Variants in ACTR3C observed in about 807,000 individuals in gnomAD.
The protein encoded by ACTR3C is actin related protein 3C.
In ACTR3C, 18 loss-of-function variants were observed where a neutral mutation model predicts 26.3. That is an observed-to-expected ratio of 0.68 (90% CI 0.47 to 1.01). ACTR3C has a LOEUF of 1.01. Ranked by LOEUF, ACTR3C falls within the 50% of genes least tolerant of loss-of-function variation. The probability of loss-of-function intolerance (pLI) is 0.00; values close to 1 mark genes in which losing one functional copy is unlikely to be tolerated. For synonymous variants in ACTR3C, 55 were observed against 94.5 expected, an observed-to-expected ratio of 0.58 and a Z score of 2.42; for missense variants, 184 against 250.7, an observed-to-expected ratio of 0.73 and a Z score of 1.80.
At chr7:150,092,944 A>G in the ACTR3C span, among the ~76,000 whole-genome samples, 1 of 151,544 alleles carries the variant, frequency 6.6e-6, no homozygotes, top group Non-Finnish European at 1.5e-5. Flanking sequence ...CAGAACCCAG[A>G]GATGCAAAAA....
the ACTR3C span, among the ~76,000 whole-genome samples, chr7:150,193,828 C>T: frequency 6.6e-6 from 1 of 151,656 alleles, no homozygotes; most frequent in Non-Finnish European, 1.5e-5. Flanking sequence ...TTTTATGGCC[C>T]AGAATATAGT....
chr7:149,941,310 C>T, the ACTR3C span, among the ~76,000 whole-genome samples: 1 of 152,186 alleles, frequency 6.6e-6, no homozygotes, highest in Non-Finnish European at 1.5e-5. Context: ...TCTCCTGGCA[C>T]AAGGTTACTA....
chr7:150,232,889 C>A, the ACTR3C span, among the ~76,000 whole-genome samples: 1 of 151,894 alleles, frequency 6.6e-6, no homozygotes, highest in South Asian at 2.1e-4. Flanking sequence ...TTTAAGTAAT[C>A]TAACTCCACC....
At chr7:150,038,187 A>G in the ACTR3C span, among the ~76,000 whole-genome samples, 10 of 143,496 alleles carry the variant, frequency 7.0e-5, 1 homozygote, top group East Asian at 9.8e-4. Flanking sequence ...TTGCCCAAGA[A>G]TCAGCTTATT....
the ACTR3C span, among the ~76,000 whole-genome samples, chr7:149,982,488 C>A: frequency 7.9e-5 from 12 of 151,922 alleles, no homozygotes; most frequent in Admixed American, 6.6e-4. Flanking sequence ...TCATATTATC[C>A]CTGTGGTATA....
At chr7:149,972,681 C>T in the ACTR3C span, among the ~76,000 whole-genome samples, 5 of 152,226 alleles carry the variant, frequency 3.3e-5, no homozygotes, top group East Asian at 1.9e-4. Flanking sequence ...CATTTTCTCC[C>T]AGCTCATCAC....
the ACTR3C span, among the ~76,000 whole-genome samples, chr7:150,193,439 T>C: frequency 1.3e-5 from 2 of 150,758 alleles, no homozygotes; most frequent in Non-Finnish European, 3.0e-5. Context: ...TTGCCATCTT[T>C]ATTATTTCTT....
the ACTR3C span, among the ~76,000 whole-genome samples, chr7:150,087,889 A>C: frequency 6.6e-6 from 1 of 152,238 alleles, no homozygotes; most frequent in Non-Finnish European, 1.5e-5. Context: ...GCCAATAACT[A>C]GGAAAAAATA....
chr7:150,288,440 A>T lies in ACTR3C; in HGVS notation c.297+1010T>A, dbSNP rs1252527512. ...TTTCTTCTTTTTTGAAATAGAGACGAGATCTCGCTATATCACCTGGGCTAG... is the reference window on the plus strand; with the variant it reads ...TTTCTTCTTTTTTGAAATAGAGACGTGATCTCGCTATATCACCTGGGCTAG... On this transcript the variant is annotated intron_variant, in intron 4 of 7. Transcript: ENST00000683684. Among the ~76,000 whole-genome samples the T allele has an allele frequency of 2.2e-5, 3 of 135,382 alleles. 1 individual carries two copies. Among genetic ancestry groups the T allele is most frequent in the African/African-American group, 9.4e-5 (3 of 32,060 alleles). 88.8% of individuals were successfully genotyped at this position (135,382 alleles called of 152,430 possible).
the ACTR3C span, among the ~76,000 whole-genome samples, chr7:150,063,243 A>G: frequency 1.1e-4 from 16 of 149,202 alleles, no homozygotes; most frequent in African/African-American, 3.8e-4. Flanking sequence ...ATTTTTTAAA[A>G]ACAACTCTAT....
intron 2 of ACTR3C, among the ~76,000 whole-genome samples, chr7:150,293,843 G>C (rs1836499992): frequency 6.6e-6 from 1 of 152,100 alleles, no homozygotes; most frequent in African/African-American, 2.4e-5. Flanking sequence ...GACTGAGGTG[G>C]GAGGATCCCT....
chr7:150,156,792 T>C, the ACTR3C span, among the ~76,000 whole-genome samples: 1 of 152,114 alleles, frequency 6.6e-6, no homozygotes, highest in Non-Finnish European at 1.5e-5. Flanking sequence ...CTTACACCAA[T>C]GTCATCCCAT....
At chr7:149,933,482 AT>A in the ACTR3C span, among the ~76,000 whole-genome samples, 1 of 152,374 alleles carries the variant, frequency 6.6e-6, no homozygotes, top group East Asian at 1.9e-4. Flanking sequence ...ATTGTGGACT[AT>A]CTGGTTAAGC....
chr7:150,180,344 C>T, the ACTR3C span, among the ~76,000 whole-genome samples: 1 of 150,358 alleles, frequency 6.7e-6, no homozygotes, highest in East Asian at 1.9e-4. Context: ...AAATCTTCCC[C>T]TTCCTATGTT....
the ACTR3C span, among the ~76,000 whole-genome samples, chr7:150,012,317 C>CTTTTTTTTTTTTTTTTTTTTTTTTT: frequency 1.3e-4 from 17 of 131,266 alleles, 5 homozygotes; most frequent in African/African-American, 3.5e-4. Flanking sequence ...ATAAATGCAT[C>CTTTTTTTTTTTTTTTTTTTTTTTTT]TTTTTTTTTT....
At chr7:149,932,751 A>ACAG in the ACTR3C span, among the ~76,000 whole-genome samples, 3 of 149,386 alleles carry the variant, frequency 2.0e-5, no homozygotes, top group South Asian at 2.1e-4. Context: ...CAGCAGGGCG[A>ACAG]GACAGGGCAG....
At chr7:150,161,168 T>C in the ACTR3C span, among the ~76,000 whole-genome samples, 1 of 145,034 alleles carries the variant, frequency 6.9e-6, no homozygotes, top group Admixed American at 7.0e-5. Flanking sequence ...TATGTGCTCT[T>C]CCCTCAGCCA....
At chr7:150,208,870 G>A in the ACTR3C span, among the ~76,000 whole-genome samples, 1 of 151,948 alleles carries the variant, frequency 6.6e-6, no homozygotes, top group African/African-American at 2.4e-5. Context: ...CATTAGTGGA[G>A]GTGGACATTA....
At chr7:150,010,904 C>T in the ACTR3C span, among the ~76,000 whole-genome samples, 3 of 147,022 alleles carry the variant, frequency 2.0e-5, no homozygotes, top group Non-Finnish European at 4.5e-5. Context: ...CAGTGCCCTT[C>T]CTGCTGCTGC....
Sources: allele counts gnomAD v4.1 joint callset (sites outside exome capture counted in the v4.1 genomes callset), GRCh38; gene constraint gnomAD v4.1.1; transcripts MANE v1.5; gene names NCBI Gene and HGNC (gene_info 2026-07-23, HGNC 2026-07-21).